Variants in ALKAL2 observed in about 807,000 individuals in gnomAD.
ALKAL2 encodes the protein ALK and LTK ligand 2, also known as AUG-alpha.
ALKAL2 carries 8 observed loss-of-function variants against 18.5 expected under a neutral mutation model. That is an observed-to-expected ratio of 0.43 (90% CI 0.25 to 0.78). The LOEUF is 0.78. Among genes scored for constraint, ALKAL2 ranks in the 30% least tolerant of loss-of-function variants. The pLI is 0.22. For missense variants in ALKAL2, 241 were observed against 211.2 expected (o/e 1.14, Z -0.88); for synonymous variants, 135 against 95.8 (o/e 1.41, Z -2.39).
At chr2:282,735 A>G (rs1264363626) in intron 5 of ALKAL2, among the ~76,000 whole-genome samples, 1 of 152,188 alleles carries the variant, frequency 6.6e-6, no homozygotes, top group Non-Finnish European at 1.5e-5. Flanking sequence ...CTGAATTTGC[A>G]GGGACAATGT....
intron 4 of ALKAL2, chr2:283,583 T>C (rs571001219): frequency 1.0e-6 from 1 of 985,440 alleles, no homozygotes; most frequent in East Asian, 1.1e-4. Flanking sequence ...CAAAGCCTTC[T>C]GCCTGTAAAT....
Position 280,091 on chromosome 2 carries a change from G to C in ALKAL2, c.*56C>G, listed in dbSNP as rs1670286079. ...TGTATAAAGATAGTTCTGTTTCCCTGTTGGTTTCCAAGGCACTTCTCATGG... is the reference window on the plus strand; with the variant it reads ...TGTATAAAGATAGTTCTGTTTCCCTCTTGGTTTCCAAGGCACTTCTCATGG... On this transcript the variant is annotated 3_prime_UTR_variant, in exon 6 of 6. Coordinates refer to ENST00000403610, the MANE Select transcript of ALKAL2 (RefSeq NM_001002919.3). The C allele has an allele frequency of 6.2e-7, 1 of 1,608,424 alleles. No individual in the cohort carries two copies. The highest frequency in any genetic ancestry group is 1.3e-5 in the African/African-American group (1 of 74,806).
At position 280,053 on chromosome 2, in the gene ALKAL2, C is replaced by G; in HGVS notation, c.*94G>C. On this transcript the variant is annotated 3_prime_UTR_variant, in exon 6 of 6. Coordinates refer to ENST00000403610, the MANE Select transcript of ALKAL2 (RefSeq NM_001002919.3). ...CTGTCTGCAAAAATAAATCTCTTGT[C>G]CATGAGGGGATGTGTATAAAGATAG... The G allele has an allele frequency of 7.2e-7, 1 of 1,393,978 alleles. No homozygotes were observed. The highest frequency in any genetic ancestry group is 1.0e-6 in the Non-Finnish European group (1 of 980,548). The allele number at this position is 1,393,978 out of a possible 1,614,324, so 86.4% of individuals were successfully genotyped here. A position where few individuals can be genotyped will look rare whatever the true frequency, so the allele number is the denominator to read the frequency against.
rs1470764857 is a variant in ALKAL2 at position 287,720 on chromosome 2, C to T, written c.116G>A (p.Arg39Gln). The change falls in exon 2 of 6, where the codon CGG (arginine) becomes CAG (glutamine). Residue 39 changes from arginine (R) to glutamine (Q), a missense_variant. Coordinates refer to ENST00000403610, the MANE Select transcript of ALKAL2 (RefSeq NM_001002919.3). The stretch of plus-strand genomic sequence containing the variant: ...CTCCTGGACGAGTTCCACCACCAGC[C>T]GCAGCAGCGCCTGTCCGTCCGCCGG... ...REPADGQALL[R>Q]LVVELVQELR... The T allele has an allele frequency of 2.0e-6, 3 of 1,471,780 alleles. No homozygotes were observed. Among genetic ancestry groups the T allele is most frequent in the Middle Eastern group, 2.2e-4 (1 of 4,644 alleles). The allele number at this position is 1,471,780 out of a possible 1,614,324, so 91.2% of individuals were successfully genotyped here.
rs764847095 is a variant in ALKAL2 at position 286,134 on chromosome 2, G to T, written c.377C>A (p.Thr126Asn). ...HRLYHNTRDCTIPAYYKRCAR... is the reference protein window; with the variant it reads ...HRLYHNTRDCNIPAYYKRCAR... ...ATGCTGTTACTTACATGCAGGAATGGTGCAGTCTCTGGTGTTGTGATAAAG... is the reference window on the plus strand; with the variant it reads ...ATGCTGTTACTTACATGCAGGAATGTTGCAGTCTCTGGTGTTGTGATAAAG... The change falls in exon 4 of 6, where the codon ACC becomes AAC. Residue 126 changes from threonine to asparagine, a missense_variant. Thr to Asn is a moderately conservative substitution (Grantham distance 65). Coordinates refer to ENST00000403610, the MANE Select transcript of ALKAL2 (RefSeq NM_001002919.3). 1 of 1,613,372 alleles carries T rather than the reference G, an allele frequency of 6.2e-7. No individual in the cohort carries two copies. Among genetic ancestry groups the T allele is most frequent in the South Asian group, 1.1e-5 (1 of 91,066 alleles).
rs1005595054 is a variant in ALKAL2, at chr2:279,781, TTA to T, written c.*364_*365del. 14 of 213,378 alleles carry T rather than the reference TTA, an allele frequency of 6.6e-5. No individual in the cohort carries two copies. The highest frequency in any genetic ancestry group is 1.3e-4 in the Non-Finnish European group (14 of 106,348). 13.2% of individuals were successfully genotyped at this position (213,378 alleles called of 1,614,324 possible). On this transcript the variant is annotated 3_prime_UTR_variant, in exon 6 of 6. Transcript: ENST00000403610. ...AGTGAAAGTAATACAGAATATCAAA[TTA>T]TGTTATATGAAAATATACTTTAAGA...
At chr2:282,796 C>T (rs1179465799) in intron 5 of ALKAL2, among the ~76,000 whole-genome samples, 2 of 152,204 alleles carry the variant, frequency 1.3e-5, no homozygotes, top group East Asian at 1.9e-4. Context: ...TCGAAGTAAA[C>T]GGACAATTTT....
intron 4 of ALKAL2, among the ~76,000 whole-genome samples, chr2:285,322 C>T (rs1670474701): frequency 6.6e-6 from 1 of 152,174 alleles, no homozygotes; most frequent in South Asian, 2.1e-4. Context: ...AGAGGGAAGG[C>T]AGGACAGCAA....
intron 5 of ALKAL2, among the ~76,000 whole-genome samples, chr2:281,115 CTG>C (rs1352944998): frequency 6.6e-6 from 1 of 152,250 alleles, no homozygotes; most frequent in Non-Finnish European, 1.5e-5. Context: ...TGTATCTACA[CTG>C]TGGTGACCAG....
At chr2:286,054 A>C in intron 4 of ALKAL2, 69 bp downstream of exon 4, 1 of 1,384,564 alleles carries the variant, frequency 7.2e-7, no homozygotes. Context: ...CTATATGAGG[A>C]AATGGAAAGA....
At chr2:286,444 C>T in intron 2 of ALKAL2, 101 bp from the exon 3 acceptor site, 1 of 861,558 alleles carries the variant, frequency 1.2e-6, no homozygotes. Flanking sequence ...CCATATTAGC[C>T]AAGTTGCTTT....
rs1429116572 is a variant in ALKAL2 at position 283,146 on chromosome 2, G to A, written c.418C>T (p.Arg140Trp). The A allele has an allele frequency of 3.7e-6, 6 of 1,612,982 alleles. No homozygotes were observed. The highest frequency in any genetic ancestry group is 1.3e-5 in the African/African-American group (1 of 74,888). The change falls in exon 5 of 6, where the codon CGG becomes TGG. Residue 140 changes from arginine to tryptophan, a missense_variant. By Grantham distance (101) the Arg-to-Trp change is moderately radical (BLOSUM62 -3). Coordinates refer to ENST00000403610, the MANE Select transcript of ALKAL2 (RefSeq NM_001002919.3). Reference sequence around the variant, plus strand: ...ATGCACACTGGACTGACAGCCAGCCGGGTAAGAAGCCTGGCGCATCTTTTA... The same window carrying A: ...ATGCACACTGGACTGACAGCCAGCCAGGTAAGAAGCCTGGCGCATCTTTTA... ...YYKRCARLLTRLAVSPVCMED... is the reference protein window; with the variant it reads ...YYKRCARLLTWLAVSPVCMED...
intron 4 of ALKAL2, among the ~76,000 whole-genome samples, chr2:285,099 G>A (rs763130345): frequency 4.6e-5 from 7 of 152,166 alleles, no homozygotes; most frequent in Non-Finnish European, 8.8e-5. Context: ...ATCTTTGTGC[G>A]GTGATGTGAA....
chr2:279,914 TTGTG>T lies in ALKAL2; in HGVS notation c.*229_*232del. ...ACACGTCAAATGTGGAGCATTCCTT[TTGTG>T]TTTTTTTTTTAAATAAGTGACAGAT... On this transcript the variant is annotated 3_prime_UTR_variant, in exon 6 of 6. Transcript: ENST00000403610. The T allele has an allele frequency of 2.0e-6, 1 of 505,746 alleles. No individual in the cohort carries two copies. Among genetic ancestry groups the T allele is most frequent in the Non-Finnish European group, 3.6e-6 (1 of 280,924 alleles). 31.3% of individuals were successfully genotyped at this position (505,746 alleles called of 1,614,324 possible).
chr2:287,770 G>C lies in ALKAL2; in HGVS notation c.66C>G (p.Gly22=). 1 of 1,415,234 alleles carries C rather than the reference G, an allele frequency of 7.1e-7. No homozygotes were observed. Among genetic ancestry groups the C allele is most frequent in the Non-Finnish European group, 9.2e-7 (1 of 1,089,676 alleles). The allele number at this position is 1,415,234 out of a possible 1,614,324, so 87.7% of individuals were successfully genotyped here. A position where few individuals can be genotyped will look rare whatever the true frequency, so the allele number is the denominator to read the frequency against. ...LLLVLGAAGR[G]RGGAEPREPA... is the part of the protein sequence containing the mutation. ...GCTCCCGGGGCTCCGCGCCCCCCCG[G>C]CCGCGCCCCGCCGCCCCCAGCACCA... The change falls in exon 2 of 6, where the codon GGC becomes GGG. Residue 22 remains glycine, a synonymous_variant. Transcript: ENST00000403610.
At chr2:285,849 TGGA>T (rs376236428) in intron 4 of ALKAL2, 2 of 398,884 alleles carry the variant, frequency 5.0e-6, no homozygotes, top group African/African-American at 4.0e-5. Flanking sequence ...ACATGGGCAT[TGGA>T]GGAGAATTAA....
intron 5 of ALKAL2, among the ~76,000 whole-genome samples, chr2:280,727 G>C (rs941143108): frequency 6.6e-6 from 1 of 152,176 alleles, no homozygotes; most frequent in African/African-American, 2.4e-5. Flanking sequence ...TGTAAGTCCG[G>C]ACAATGAAGT....
At chr2:287,416 G>A in intron 2 of ALKAL2, 167 bp downstream of exon 2, 1 of 520,414 alleles carries the variant, frequency 1.9e-6, no homozygotes, top group Non-Finnish European at 2.9e-6. Flanking sequence ...CAGGCCTCAT[G>A]CGCGGACCTA....
At chr2:286,497 A>G (rs1670513179) in intron 2 of ALKAL2, 154 bp from the exon 3 acceptor site, 1 of 598,086 alleles carries the variant, frequency 1.7e-6, no homozygotes, top group Non-Finnish European at 3.0e-6. Flanking sequence ...GCAACACACG[A>G]CAGTGAAGAA....
Sources: gnomAD v4.1 joint callset for allele counts (sites outside exome capture counted in the v4.1 genomes callset) on GRCh38, gnomAD v4.1.1 for gene constraint, MANE v1.5 for transcripts, NCBI Gene and HGNC (gene_info 2026-07-23, HGNC 2026-07-21) for gene names.